FAT3: variants seen among roughly 807,000 people sequenced by gnomAD.
FAT3 encodes the protein FAT atypical cadherin 3.
Under a neutral mutation model 310.2 loss-of-function variants are expected in FAT3, and 95 were observed. That is an observed-to-expected ratio of 0.31 (90% confidence interval 0.26 to 0.36). The LOEUF (loss-of-function observed/expected upper bound fraction) is 0.36, where lower values mean the gene tolerates loss of function less well. Ranked by LOEUF, FAT3 falls within the 10% of genes least tolerant of loss-of-function variation. The probability of loss-of-function intolerance (pLI) is 1.00; values close to 1 mark genes in which losing one functional copy is unlikely to be tolerated. For missense variants in FAT3, 5,408 were observed against 5,715.6 expected (o/e 0.95, Z 1.74); for synonymous variants, 2,314 against 2,192.9 (o/e 1.06, Z -1.54).
At chr11:92,225,479 A>AG (rs1284170249) in intron 1 of FAT3, among the ~76,000 whole-genome samples, 4 of 152,062 alleles carry the variant, frequency 2.6e-5, no homozygotes, top group South Asian at 2.1e-4. Context: ...AGGGGTTGCG[A>AG]GGGGGGTTGC....
intron 2 of FAT3, among the ~76,000 whole-genome samples, chr11:92,470,084 A>C (rs1182112583): frequency 6.6e-6 from 1 of 152,224 alleles, no homozygotes; most frequent in Non-Finnish European, 1.5e-5. Context: ...GTCATGCCAC[A>C]CTGATACTGT....
chr11:92,383,034 T>C (rs570655336), intron 2 of FAT3, among the ~76,000 whole-genome samples: 1 of 152,304 alleles, frequency 6.6e-6, no homozygotes, highest in African/African-American at 2.4e-5. Context: ...TTCCCCACCA[T>C]GTGTCCATGT....
chr11:92,845,923 T>C (rs1948672745), intron 19 of FAT3, among the ~76,000 whole-genome samples: 1 of 152,110 alleles, frequency 6.6e-6, no homozygotes, highest in Non-Finnish European at 1.5e-5. Flanking sequence ...GTGTGCCAGC[T>C]GCTCTCTGTG....
At chr11:92,786,633 ATTC>A (rs1269350865) in intron 7 of FAT3, among the ~76,000 whole-genome samples, 4 of 152,156 alleles carry the variant, frequency 2.6e-5, no homozygotes, top group Non-Finnish European at 4.4e-5. Flanking sequence ...AGAAACAAAC[ATTC>A]TTATATATTA....
At chr11:92,613,623 A>G (rs904245061) in intron 3 of FAT3, among the ~76,000 whole-genome samples, 1 of 152,118 alleles carries the variant, frequency 6.6e-6, no homozygotes, top group Non-Finnish European at 1.5e-5. Flanking sequence ...CCCATCTTCT[A>G]GCCTCTGTTT....
chr11:92,591,019 G>A (rs1213374910), intron 3 of FAT3, among the ~76,000 whole-genome samples: 1 of 152,086 alleles, frequency 6.6e-6, no homozygotes, highest in Non-Finnish European at 1.5e-5. Flanking sequence ...TGACCTCTGT[G>A]TGTGTTCTCA....
At chr11:92,530,574 T>G (rs1212891062) in intron 3 of FAT3, among the ~76,000 whole-genome samples, 1 of 150,358 alleles carries the variant, frequency 6.7e-6, no homozygotes, top group Non-Finnish European at 1.5e-5. Flanking sequence ...CATGGATTCC[T>G]AAGACTTGTA....
rs530272473 is a variant in FAT3 at position 92,841,349 on chromosome 11, A to C, written c.10566+590A>C. Among the ~76,000 whole-genome samples, 10 of 152,340 alleles carry C rather than the reference A, an allele frequency of 6.6e-5. No homozygotes were observed. The South Asian group carries it at 2.1e-3, about 32-fold the overall frequency. The stretch of plus-strand genomic sequence containing the variant: ...CTGCAAATACCAAGATTTGGATCCC[A>C]TCAGGGAAACTGAGTGACTTTTTCT... On this transcript the variant is annotated intron_variant, in intron 18 of 27. Transcript: ENST00000525166.
chr11:92,698,173 T>C (rs1459896767), intron 4 of FAT3, among the ~76,000 whole-genome samples: 1 of 152,180 alleles, frequency 6.6e-6, no homozygotes, highest in Non-Finnish European at 1.5e-5. Context: ...TAAGGTTTTA[T>C]AATGTGTCTA....
intron 4 of FAT3, among the ~76,000 whole-genome samples, chr11:92,746,320 G>C (rs1026131305): frequency 6.6e-6 from 1 of 152,212 alleles, no homozygotes; most frequent in Non-Finnish European, 1.5e-5. Context: ...TTACATGGCA[G>C]CAGGCTAGAG....
Position 92,883,411 on chromosome 11 carries a change from A to G in FAT3, c.12937+18A>G. 6.3e-7 allele frequency: 1 copy of G among 1,584,154 alleles called. No individual in the cohort carries two copies. Among genetic ancestry groups the G allele is most frequent in the Non-Finnish European group, 8.6e-7 (1 of 1,163,376 alleles). ...AACTGAGAGTGAGTAGGAAGTGGTA[A>G]TGCTCACCCCTCGGTGCTTACAGGG... On this transcript the variant is annotated intron_variant, in intron 24 of 27. Transcript: ENST00000525166. The surrounding 1 kb of genome is among the most constrained non-coding windows in gnomAD (Gnocchi z 4.2).
Position 92,440,698 on chromosome 11 carries a change from G to A in FAT3, c.3293-83936G>A, listed in dbSNP as rs142523315. 1.0e-3 allele frequency among the ~76,000 whole-genome samples: 152 copies of A among 152,226 alleles called. 1 individual carries two copies. The South Asian group carries it at 0.014, about 14-fold the overall frequency. ...AATGCCATGAAGTGTTTTGGGAGGC[G>A]GTGAAAGGGAGAGTTTCAATAAGGA... On this transcript the variant is annotated intron_variant, in intron 2 of 27. Coordinates refer to ENST00000525166, the MANE Select transcript of FAT3 (RefSeq NM_001367949.2).
chr11:92,782,155 A>C (rs1230618018), intron 7 of FAT3, among the ~76,000 whole-genome samples: 1 of 152,102 alleles, frequency 6.6e-6, no homozygotes, highest in Non-Finnish European at 1.5e-5. Context: ...CAATAATAAT[A>C]ATAATAATAA....
chr11:92,517,394 TG>T (rs1953523025), intron 2 of FAT3, among the ~76,000 whole-genome samples: 1 of 152,166 alleles, frequency 6.6e-6, no homozygotes, highest in Non-Finnish European at 1.5e-5. Context: ...ATGTAATAAA[TG>T]GTGTTGGGAA....
At chr11:92,512,292 C>G (rs1057076455) in intron 2 of FAT3, among the ~76,000 whole-genome samples, 2 of 151,726 alleles carry the variant, frequency 1.3e-5, no homozygotes, top group African/African-American at 4.8e-5. Flanking sequence ...ATTTGTGATT[C>G]TAGAATCAGG....
intron 3 of FAT3, among the ~76,000 whole-genome samples, chr11:92,585,665 T>C (rs563582351): frequency 6.6e-6 from 1 of 151,946 alleles, no homozygotes; most frequent in Non-Finnish European, 1.5e-5. Context: ...CACAGAGAGG[T>C]TAAGTCAATT....
At chr11:92,866,711 A>G in intron 21 of FAT3, 30 bp from the exon 22 acceptor site, 1 of 1,580,846 alleles carries the variant, frequency 6.3e-7, no homozygotes, top group Non-Finnish European at 8.6e-7. Context: ...TGCATGTTGA[A>G]AAGTGCTGCA....
chr11:92,370,940 A>G (rs1949169793), intron 2 of FAT3, among the ~76,000 whole-genome samples: 1 of 152,114 alleles, frequency 6.6e-6, no homozygotes, highest in Admixed American at 6.6e-5. Flanking sequence ...GGCTATTGGG[A>G]GCTTTCTACA....
intron 3 of FAT3, among the ~76,000 whole-genome samples, chr11:92,645,499 A>C (rs960385015): frequency 2.0e-5 from 3 of 151,892 alleles, no homozygotes; most frequent in African/African-American, 7.3e-5. Context: ...AGAAAAAAAA[A>C]AAAAACAGGT....
Sources: allele counts gnomAD v4.1 joint callset (sites outside exome capture counted in the v4.1 genomes callset), GRCh38; gene constraint gnomAD v4.1.1; non-coding constraint Gnocchi (gnomAD v3.1); transcripts MANE v1.5; gene names NCBI Gene and HGNC (gene_info 2026-07-23, HGNC 2026-07-21).